The following C6orf136 variants were observed in gnomAD, a reference collection of about 807,000 sequenced individuals.
C6orf136 encodes chromosome 6 open reading frame 136, also known as uncharacterized protein C6orf136.
Under a neutral mutation model 44.0 loss-of-function variants are expected in C6orf136, and 29 were observed. The ratio of observed to expected loss-of-function variants is 0.66; its 90% CI spans 0.49 to 0.90. The LOEUF is 0.90. C6orf136 is among the 40% of genes least tolerant of loss of function. The pLI, the probability that C6orf136 is intolerant of heterozygous loss-of-function variation, is 0.00. For synonymous variants in C6orf136, 293 were observed against 278.6 expected, an observed-to-expected ratio of 1.05 and a Z score of -0.52; for missense variants, 628 against 669.3, an observed-to-expected ratio of 0.94 and a Z score of 0.68.
At chr6:30,650,873 C>T in intron 2 of C6orf136, 121 bp from the exon 3 acceptor site, 2 of 693,926 alleles carry the variant, frequency 2.9e-6, no homozygotes, top group Non-Finnish European at 2.5e-6. Context: ...GATTGTACCT[C>T]TGTACTCCAG....
chr6:30,650,687 G>A (rs983355536), intron 2 of C6orf136, among the ~76,000 whole-genome samples: 13 of 152,144 alleles, frequency 8.5e-5, no homozygotes, highest in African/African-American at 2.9e-4. Flanking sequence ...GGAGGCTGAG[G>A]CAGGAGAATC....
In C6orf136 at chr6:30,652,541, G is replaced by A. The variant is rs1029449383; in HGVS notation, c.1308-107G>A. 5.1e-6 allele frequency: 5 copies of A among 983,454 alleles called. No individual in the cohort carries two copies. The Admixed American group carries it at 8.5e-5, about 17-fold the overall frequency. The allele number at this position is 983,454 out of a possible 1,614,324, so 60.9% of individuals were successfully genotyped here. On this transcript the variant is annotated intron_variant, in intron 4 of 5. Coordinates refer to ENST00000651131, the MANE Select transcript of C6orf136 (RefSeq NM_001161376.2). ...TGAGATGTTTGTAAGTTGCCCAGGTGATCTAATATGTAGCAGAATTTAGGG... is the reference window on the plus strand; with the variant it reads ...TGAGATGTTTGTAAGTTGCCCAGGTAATCTAATATGTAGCAGAATTTAGGG...
At chr6:30,648,943 G>T (rs753985283) in intron 1 of C6orf136, among the ~76,000 whole-genome samples, 118 of 151,834 alleles carry the variant, frequency 7.8e-4, no homozygotes, top group Non-Finnish European at 1.3e-3. Flanking sequence ...AGGAGGCGGC[G>T]GTTGCAGTGA....
rs2127573126 is a variant in C6orf136, at chr6:30,652,629, G to A, written c.1308-19G>A. 6.2e-7 allele frequency: 1 copy of A among 1,611,162 alleles called. No homozygotes were observed. The highest frequency in any genetic ancestry group is 2.2e-5 in the East Asian group (1 of 44,884). On this transcript the variant is annotated intron_variant, in intron 4 of 5. Transcript: ENST00000651131. ...GACCAGTCACCTTCTCCCTCAGTAAGCCTCCCTCTATTCCCCAGGACCTAT... is the reference window on the plus strand; with the variant it reads ...GACCAGTCACCTTCTCCCTCAGTAAACCTCCCTCTATTCCCCAGGACCTAT...
intron 1 of C6orf136, among the ~76,000 whole-genome samples, chr6:30,648,853 C>G (rs981946535): frequency 1.3e-5 from 2 of 150,742 alleles, no homozygotes; most frequent in Admixed American, 1.3e-4. Context: ...ACTAAAAATA[C>G]AAAAATTAGC....
rs1233538880 is a variant in C6orf136 at position 30,647,623 on chromosome 6, G to A, written c.392G>A (p.Arg131Lys). ...GTGCCTAGAGGTGATTTGAAGGGCA[G>A]GGGCCGAGAGATTCGTAGCCCTGCT... The part of the protein sequence containing the change: ...LPVPRGDLKG[R>K]GREIRSPAAA... The change falls in exon 1 of 6, where the codon AGG (arginine) becomes AAG (lysine). Residue 131 changes from arginine (R) to lysine (K), a missense_variant. Arg to Lys is a conservative substitution (Grantham distance 26). This residue lies in a region of C6orf136 where 497 missense variants were observed against 469.2 expected (regional missense o/e 1.06). Transcript: ENST00000651131. This position sits in a 1 kb window ranked among gnomAD's most constrained non-coding sequence, Gnocchi z 4.8. 6.5e-7 allele frequency: 1 copy of A among 1,549,648 alleles called. No individual in the cohort carries two copies. The highest frequency in any genetic ancestry group is 8.7e-7 in the Non-Finnish European group (1 of 1,146,462).
At chr6:30,651,876 A>G (rs1228014974) in intron 4 of C6orf136, among the ~76,000 whole-genome samples, 1 of 152,062 alleles carries the variant, frequency 6.6e-6, no homozygotes. Context: ...TAAAAAAAAA[A>G]TAGAGACTGG....
intron 4 of C6orf136, 75 bp from the exon 5 acceptor site, chr6:30,652,573 C>T (rs939354213): frequency 1.3e-5 from 17 of 1,352,482 alleles, no homozygotes; most frequent in South Asian, 1.0e-4. Context: ...AGGGACTACT[C>T]GTTTAAACAA....
intron 2 of C6orf136, 53 bp downstream of exon 2, chr6:30,650,012 C>A: frequency 1.3e-6 from 2 of 1,515,218 alleles, no homozygotes; most frequent in Non-Finnish European, 1.8e-6. Flanking sequence ...TGTGGGTAAT[C>A]CTTGGACGTA....
chr6:30,648,901 G>C (rs891933126), intron 1 of C6orf136, among the ~76,000 whole-genome samples: 4 of 151,280 alleles, frequency 2.6e-5, no homozygotes, highest in African/African-American at 7.3e-5. Context: ...CCAGCTACTC[G>C]GGAGGCTGAG....
chr6:30,650,731 C>T (rs1363240322), intron 2 of C6orf136, among the ~76,000 whole-genome samples: 333 of 138,670 alleles, frequency 2.4e-3, no homozygotes, highest in African/African-American at 8.1e-3. Context: ...TGCAGTGAGC[C>T]GAGATTGTAC....
At chr6:30,649,989 A>G in intron 2 of C6orf136, 30 bp downstream of exon 2, 1 of 1,600,112 alleles carries the variant, frequency 6.2e-7, no homozygotes, top group Non-Finnish European at 8.5e-7. Context: ...GCCTTCGTCT[A>G]CAGTGGGAAG....
Position 30,647,804 on chromosome 6 carries a change from C to G in C6orf136, c.573C>G (p.Ala191=). The change falls in exon 1 of 6, where the codon GCC becomes GCG. Residue 191 remains alanine, a synonymous_variant. Coordinates refer to ENST00000651131, the MANE Select transcript of C6orf136 (RefSeq NM_001161376.2). The surrounding 1 kb of genome is among the most constrained non-coding windows in gnomAD (Gnocchi z 4.8). ...PLRPGWQDGH[A]PSRDGASRTP... ...GCCCGGGCTGGCAAGATGGCCACGC[C>G]CCCAGCAGAGACGGCGCCTCTAGGA... 1.3e-6 allele frequency: 2 copies of G among 1,535,542 alleles called. No individual in the cohort carries two copies. Among genetic ancestry groups the G allele is most frequent in the Non-Finnish European group, 1.8e-6 (2 of 1,142,370 alleles).
At position 30,649,677 on chromosome 6, in the gene C6orf136, T is replaced by A; in HGVS notation, c.735T>A (p.Arg245=). ...SPLPPRLPTQ[R]LPQVPPLPLP... is the part of the protein sequence containing the mutation. ...TGCCCCCACGCCTTCCCACCCAGCG[T>A]CTTCCCCAGGTTCCCCCACTACCTC... Residue 245 remains arginine, a synonymous_variant, in exon 2 of 6, where the codon CGT becomes CGA. Transcript: ENST00000651131. The A allele has an allele frequency of 6.2e-7, 1 of 1,609,282 alleles. No individual in the cohort carries two copies. The highest frequency in any genetic ancestry group is 8.5e-7 in the Non-Finnish European group (1 of 1,178,514).
chr6:30,647,996 TTAAC>T lies in C6orf136; in HGVS notation c.615+152_615+155del. 1 of 1,204,406 alleles carries T rather than the reference TTAAC, an allele frequency of 8.3e-7. No individual in the cohort carries two copies. Among genetic ancestry groups the T allele is most frequent in the Non-Finnish European group, 1.1e-6 (1 of 902,678 alleles). 74.6% of individuals were successfully genotyped at this position (1,204,406 alleles called of 1,614,324 possible). On this transcript the variant is annotated intron_variant, in intron 1 of 5. Transcript: ENST00000651131. The surrounding 1 kb of genome is among the most constrained non-coding windows in gnomAD (Gnocchi z 4.8). ...AACCCAGGAGAGTGAAGGCCAGCCT[TTAAC>T]TGTCTCCTGAGGTTGTGTCTGTCAT...
intron 2 of C6orf136, 70 bp downstream of exon 2, chr6:30,650,029 T>C: frequency 7.4e-7 from 1 of 1,355,132 alleles, no homozygotes; most frequent in East Asian, 2.3e-5. Flanking sequence ...CGTACAGGGA[T>C]AGTCAACTGG....
Position 30,647,990 on chromosome 6 carries a change from CAGCCTTTA to C in C6orf136, c.615+146_615+153del. On this transcript the variant is annotated intron_variant, in intron 1 of 5. Transcript: ENST00000651131. The surrounding 1 kb of genome is among the most constrained non-coding windows in gnomAD (Gnocchi z 4.8). ...TCGGTAAACCCAGGAGAGTGAAGGCCAGCCTTTAACTGTCTCCTGAGGTTGTGTCTGTC... is the reference window on the plus strand; with the variant it reads ...TCGGTAAACCCAGGAGAGTGAAGGCCACTGTCTCCTGAGGTTGTGTCTGTC... The C allele has an allele frequency of 8.1e-7, 1 of 1,232,002 alleles. No individual in the cohort carries two copies. The highest frequency in any genetic ancestry group is 2.8e-5 in the East Asian group (1 of 35,666). 76.3% of individuals were successfully genotyped at this position (1,232,002 alleles called of 1,614,324 possible).
chr6:30,653,198 A>G lies in C6orf136; in HGVS notation c.*283A>G, dbSNP rs966671810. On this transcript the variant is annotated 3_prime_UTR_variant, in exon 6 of 6. Coordinates refer to ENST00000651131, the MANE Select transcript of C6orf136 (RefSeq NM_001161376.2). ...ATTTAATAGGTATTAAATAATGTAT[A>G]GAAGGAAAAGGAGCTGGTGTCAGGT... is the stretch of plus-strand genomic sequence containing the variant. The G allele has an allele frequency of 1.9e-6, 3 of 1,588,814 alleles. No homozygotes were observed. Among genetic ancestry groups the G allele is most frequent in the Non-Finnish European group, 8.5e-7 (1 of 1,172,142 alleles).
At position 30,647,803 on chromosome 6, in the gene C6orf136, C is replaced by A; in HGVS notation, c.572C>A (p.Ala191Asp). ...PLRPGWQDGH[A>D]PSRDGASRTP... ...CGCCCGGGCTGGCAAGATGGCCACG[C>A]CCCCAGCAGAGACGGCGCCTCTAGG... The change falls in exon 1 of 6, where the codon GCC becomes GAC. Residue 191 changes from alanine (A) to aspartate (D), a missense_variant. By Grantham distance (126) the Ala-to-Asp change is moderately radical (BLOSUM62 -2). Coordinates refer to ENST00000651131, the MANE Select transcript of C6orf136 (RefSeq NM_001161376.2). The surrounding 1 kb of genome is among the most constrained non-coding windows in gnomAD (Gnocchi z 4.8). 1 of 1,536,184 alleles carries A rather than the reference C, an allele frequency of 6.5e-7. No homozygotes were observed. The highest frequency in any genetic ancestry group is 1.2e-5 in the South Asian group (1 of 83,184).
Sources: gnomAD v4.1 joint callset for allele counts (sites outside exome capture counted in the v4.1 genomes callset) on GRCh38, gnomAD v4.1.1 for gene constraint, gnomAD v4.1.1 regional missense constraint, Gnocchi (gnomAD v3.1) non-coding constraint, MANE v1.5 for transcripts, NCBI Gene and HGNC (gene_info 2026-07-23, HGNC 2026-07-21) for gene names.